Variants in AEN observed in about 807,000 individuals in gnomAD.
AEN encodes the protein apoptosis-enhancing nuclease.
A neutral mutation model predicts 17.7 loss-of-function variants in AEN; 21 were observed. The ratio of observed to expected loss-of-function variants is 1.19; its 90% CI spans 0.84 to 1.71. AEN has a LOEUF of 1.71. Ranked by LOEUF, AEN falls within the 40% of genes most tolerant of loss-of-function variation. The pLI, the probability that AEN is intolerant of heterozygous loss-of-function variation, is 0.00. For synonymous variants in AEN, 190 were observed against 173.0 expected (o/e 1.10, Z -0.77); for missense variants, 462 against 435.9 (o/e 1.06, Z -0.53).
intron 2 of AEN, chr15:88,627,711 CTG>C (rs1203268864): frequency 5.9e-5 from 9 of 152,216 alleles, no homozygotes; most frequent in African/African-American, 1.9e-4. Flanking sequence ...GATGTTTGGG[CTG>C]TGTGCATATT....
rs1173396995 is a variant in AEN, at chr15:88,631,648, T to A, written c.*1354T>A. The A allele has an allele frequency of 1.3e-5, 2 of 152,604 alleles. No individual in the cohort carries two copies. The highest frequency in any genetic ancestry group is 2.9e-5 in the Non-Finnish European group (2 of 68,368). 9.5% of individuals were successfully genotyped at this position (152,604 alleles called of 1,614,324 possible). On this transcript the variant is annotated 3_prime_UTR_variant, in exon 4 of 4. Transcript: ENST00000332810. ...GAGCCACAGCTACTGTGAGTTTCTG[T>A]TTATCCCCCTTTTTTTTTTTTAAGC... is the stretch of plus-strand genomic sequence containing the variant.
At chr15:88,625,618 G>A (rs1482380842) in intron 1 of AEN, among the ~76,000 whole-genome samples, 1 of 152,190 alleles carries the variant, frequency 6.6e-6, no homozygotes, top group Non-Finnish European at 1.5e-5. Context: ...AGGTTGTGCT[G>A]AGGATCTGTG....
At chr15:88,629,143 T>G in intron 2 of AEN, 83 bp from the exon 3 acceptor site, 2 of 1,361,364 alleles carry the variant, frequency 1.5e-6, no homozygotes, top group Non-Finnish European at 2.1e-6. Flanking sequence ...CATGCATCTA[T>G]TGGCCAGGGG....
chr15:88,605,880 C>T, the AEN span, among the ~76,000 whole-genome samples: 1 of 152,254 alleles, frequency 6.6e-6, no homozygotes, highest in Non-Finnish European at 1.5e-5. The surrounding 1 kb of genome is among the most constrained non-coding windows in gnomAD (Gnocchi z 7.6). Context: ...CACGGCTCGG[C>T]CTCCCAGCCC....
chr15:88,624,631 C>T (rs1043856103), intron 1 of AEN, among the ~76,000 whole-genome samples: 4 of 152,204 alleles, frequency 2.6e-5, no homozygotes, highest in African/African-American at 9.7e-5. Flanking sequence ...CGCCTGTAAT[C>T]CCAGCACTTT....
chr15:88,619,386 T>C (rs538088619), upstream of AEN, among the ~76,000 whole-genome samples: 1 of 152,282 alleles, frequency 6.6e-6, no homozygotes. Context: ...ATCTGGATAT[T>C]GACTCTCTTA....
the AEN span, among the ~76,000 whole-genome samples, chr15:88,609,101 G>C: frequency 6.6e-6 from 1 of 152,136 alleles, no homozygotes; most frequent in African/African-American, 2.4e-5. Flanking sequence ...TTCTTGGCAG[G>C]AGGGGATACT....
At chr15:88,613,561 T>A in the AEN span, among the ~76,000 whole-genome samples, 497 of 148,972 alleles carry the variant, frequency 3.3e-3, 1 homozygote, top group African/African-American at 0.012. Flanking sequence ...CGGGGAGAGA[T>A]TGTGTCTCAG....
At chr15:88,617,858 GA>G (rs1332121908), upstream of AEN, among the ~76,000 whole-genome samples, 3 of 151,994 alleles carry the variant, frequency 2.0e-5, no homozygotes, top group Non-Finnish European at 2.9e-5. Flanking sequence ...GCTCATTAAT[GA>G]AACTTTGGTT....
chr15:88,614,233 T>G, the AEN span, among the ~76,000 whole-genome samples: 1 of 152,158 alleles, frequency 6.6e-6, no homozygotes, highest in Non-Finnish European at 1.5e-5. Context: ...GGGGTCTGGC[T>G]TTGTCACCCA....
Position 88,626,203 on chromosome 15 carries a change from G to A in AEN, c.-7G>A. 6.4e-7 allele frequency: 1 copy of A among 1,572,264 alleles called. No individual in the cohort carries two copies. Among genetic ancestry groups the A allele is most frequent in the Non-Finnish European group, 8.6e-7 (1 of 1,157,992 alleles). ...CTTCCCTTGCCCCAAGCAGTGAGCT[G>A]ACTGGAATGGTACCCCGGGAGGCCC... On this transcript the variant is annotated 5_prime_UTR_variant, in exon 2 of 4. Transcript: ENST00000332810.
chr15:88,629,108 G>T, intron 2 of AEN, 118 bp from the exon 3 acceptor site: 1 of 999,736 alleles, frequency 1.0e-6, no homozygotes. Flanking sequence ...CTCCCCACTC[G>T]GTGCTGCCTC....
Position 88,630,763 on chromosome 15 carries a change from CT to C in AEN, c.*471del, listed in dbSNP as rs2057917879. On this transcript the variant is annotated 3_prime_UTR_variant, in exon 4 of 4. Transcript: ENST00000332810. This position sits in a 1 kb window ranked among gnomAD's most constrained non-coding sequence, Gnocchi z 5.1. ...CTCAATGACTTGGGGGTAAAGTTCT[CT>C]TCCTTTTGTTGCCTACCTCTTCCTC... The C allele has an allele frequency of 4.6e-6, 1 of 219,360 alleles. No homozygotes were observed. Among genetic ancestry groups the C allele is most frequent in the Non-Finnish European group, 9.5e-6 (1 of 105,500 alleles). 13.6% of individuals were successfully genotyped at this position (219,360 alleles called of 1,614,324 possible).
chr15:88,614,919 G>T, the AEN span, among the ~76,000 whole-genome samples: 3 of 152,014 alleles, frequency 2.0e-5, no homozygotes, highest in Non-Finnish European at 4.4e-5. Flanking sequence ...ATGGAGTCTC[G>T]CTCTGTCGCC....
Position 88,630,474 on chromosome 15 carries a change from C to A in AEN, c.*180C>A. On this transcript the variant is annotated 3_prime_UTR_variant, in exon 4 of 4. Coordinates refer to ENST00000332810, the MANE Select transcript of AEN (RefSeq NM_022767.4). This position sits in a 1 kb window ranked among gnomAD's most constrained non-coding sequence, Gnocchi z 5.1. ...CCCTCTGCACACAGCATAGCCCTCT[C>A]TCTCTCCAGGGCTGTTGGTTCTTTC... 3.2e-6 allele frequency: 2 copies of A among 616,250 alleles called. No individual in the cohort carries two copies. The highest frequency in any genetic ancestry group is 5.8e-6 in the Non-Finnish European group (2 of 347,670). The allele number at this position is 616,250 out of a possible 1,614,324, so 38.2% of individuals were successfully genotyped here.
chr15:88,630,405 C>A lies in AEN; in HGVS notation c.*111C>A. On this transcript the variant is annotated 3_prime_UTR_variant, in exon 4 of 4. Transcript: ENST00000332810. This position sits in a 1 kb window ranked among gnomAD's most constrained non-coding sequence, Gnocchi z 5.1. ...CAGGGTGGGGCAGGATGCAGTGAGC[C>A]AGCCCCAGGGCCAGAGGAGTAGGGG... 1 of 1,019,834 alleles carries A rather than the reference C, an allele frequency of 9.8e-7. No individual in the cohort carries two copies. The highest frequency in any genetic ancestry group is 1.5e-6 in the Non-Finnish European group (1 of 685,438). 63.2% of individuals were successfully genotyped at this position (1,019,834 alleles called of 1,614,324 possible).
intron 1 of AEN, 154 bp downstream of exon 1, chr15:88,621,536 G>A (rs981572503): frequency 6.6e-6 from 1 of 152,278 alleles, no homozygotes; most frequent in South Asian, 2.1e-4. Flanking sequence ...CAGAAAAGCA[G>A]GCCGGGCGCC....
chr15:88,615,812 G>A, the AEN span, among the ~76,000 whole-genome samples: 15 of 152,304 alleles, frequency 9.8e-5, no homozygotes, highest in Admixed American at 9.1e-4. Flanking sequence ...TCTCTTTCAA[G>A]TCTGCACCTG....
At chr15:88,606,156 C>G in the AEN span, among the ~76,000 whole-genome samples, 1 of 152,330 alleles carries the variant, frequency 6.6e-6, no homozygotes, top group South Asian at 2.1e-4. Context: ...GAGCCCCAGG[C>G]TCTGGTGTTC....
Sources: gnomAD v4.1 joint callset for allele counts (sites outside exome capture counted in the v4.1 genomes callset) on GRCh38, gnomAD v4.1.1 for gene constraint, Gnocchi (gnomAD v3.1) non-coding constraint, MANE v1.5 for transcripts, NCBI Gene and HGNC (gene_info 2026-07-23, HGNC 2026-07-21) for gene names.